The following CTNNA2 variants were observed in gnomAD, a reference collection of about 807,000 sequenced individuals.
CTNNA2 encodes catenin alpha-2.
A neutral mutation model predicts 101.0 loss-of-function variants in CTNNA2; 42 were observed. The observed-to-expected ratio is 0.42, with a 90% CI of 0.32 to 0.54. The LOEUF (loss-of-function observed/expected upper bound fraction) is 0.54. CTNNA2 is among the 20% of genes least tolerant of loss of function. CTNNA2 has a pLI of 0.14. For synonymous variants in CTNNA2, 450 were observed against 456.4 expected (o/e 0.99, Z 0.18); for missense variants, 871 against 1,223.1 (o/e 0.71, Z 4.29).
chr2:80,631,354 A>T (rs1374327594), intron 18 of CTNNA2, among the ~76,000 whole-genome samples: 4 of 137,680 alleles, frequency 2.9e-5, no homozygotes, highest in Non-Finnish European at 6.2e-5. Flanking sequence ...TTTCAAAGAA[A>T]CCACTAATTT....
chr2:79,278,787 T>C (rs1441314896), intron 2 of CTNNA2, among the ~76,000 whole-genome samples: 2 of 152,106 alleles, frequency 1.3e-5, no homozygotes, highest in African/African-American at 4.8e-5. Flanking sequence ...TTATCCAAGT[T>C]GAAGCCATCA....
At chr2:79,266,962 T>G (rs1239923986) in intron 2 of CTNNA2, among the ~76,000 whole-genome samples, 1 of 152,132 alleles carries the variant, frequency 6.6e-6, no homozygotes, top group Non-Finnish European at 1.5e-5. Context: ...ATATTTGAGC[T>G]TAATATCTGA....
At chr2:80,272,980 C>T (rs977296099) in intron 7 of CTNNA2, among the ~76,000 whole-genome samples, 2 of 152,066 alleles carry the variant, frequency 1.3e-5, no homozygotes, top group East Asian at 1.9e-4. Flanking sequence ...GAACTTTGGG[C>T]GTGCGTGAAA....
intron 2 of CTNNA2, among the ~76,000 whole-genome samples, chr2:79,682,261 C>A (rs1558833687): frequency 6.6e-6 from 1 of 151,226 alleles, no homozygotes; most frequent in South Asian, 2.1e-4. Context: ...ACAAAAAAAA[C>A]TTAGCCAGGT....
At position 80,462,561 on chromosome 2, in the gene CTNNA2, C is replaced by A. The variant is rs557077027; in HGVS notation, c.1290+42960C>A. ...GGTTTTCCATTTATGCTGATTTCAT[C>A]TAGGTACAATTTTCTATCTCTCTTA... is the stretch of plus-strand genomic sequence containing the variant. On this transcript the variant is annotated intron_variant, in intron 9 of 18. Transcript: ENST00000402739. Among the ~76,000 whole-genome samples the A allele has an allele frequency of 1.7e-4, 26 of 150,384 alleles. No individual in the cohort carries two copies. The East Asian group carries it at 5.2e-3, about 30-fold the overall frequency.
intron 7 of CTNNA2, among the ~76,000 whole-genome samples, chr2:80,043,119 CTCCT>C (rs70940072): frequency 0.13 from 6,476 of 51,698 alleles, 384 homozygotes; most frequent in Admixed American, 0.18. Context: ...CTCTTTCTTT[CTCCT>C]TCCTTCCTTC....
chr2:79,620,584 A>G (rs1678931704), intron 1 of CTNNA2, among the ~76,000 whole-genome samples: 1 of 152,162 alleles, frequency 6.6e-6, no homozygotes, highest in South Asian at 2.1e-4. Context: ...AGACATACCC[A>G]CTAAATAGTA....
intron 2 of CTNNA2, among the ~76,000 whole-genome samples, chr2:79,693,023 T>C (rs1299393823): frequency 6.6e-6 from 1 of 151,410 alleles, no homozygotes; most frequent in Non-Finnish European, 1.5e-5. Flanking sequence ...TAAGTATAAA[T>C]AAAAAATAAA....
chr2:79,836,340 C>T (rs1679364010), intron 3 of CTNNA2, among the ~76,000 whole-genome samples: 1 of 152,160 alleles, frequency 6.6e-6, no homozygotes, highest in Non-Finnish European at 1.5e-5. Context: ...AGCATTTTCT[C>T]AAAGTCTTGT....
chr2:79,483,253 C>T (rs1431161015), intron 4 of CTNNA2, among the ~76,000 whole-genome samples: 2 of 152,194 alleles, frequency 1.3e-5, no homozygotes, highest in African/African-American at 4.8e-5. Flanking sequence ...ATCTCCCCAT[C>T]TACATTTCAT....
chr2:80,465,523 G>C (rs554090282), intron 9 of CTNNA2, among the ~76,000 whole-genome samples: 14 of 152,232 alleles, frequency 9.2e-5, no homozygotes, highest in African/African-American at 2.6e-4. Context: ...TGGAATGCTT[G>C]AAGAAGGCCA....
intron 7 of CTNNA2, among the ~76,000 whole-genome samples, chr2:80,057,180 T>C (rs1422631650): frequency 6.6e-6 from 1 of 151,734 alleles, no homozygotes; most frequent in East Asian, 1.9e-4. Context: ...AAGTTGTTTT[T>C]TTTTTTTTTT....
intron 7 of CTNNA2, among the ~76,000 whole-genome samples, chr2:80,329,262 C>G (rs186770429): frequency 2.0e-5 from 3 of 152,182 alleles, no homozygotes; most frequent in African/African-American, 7.2e-5. Flanking sequence ...AAATATGCAA[C>G]AAGGAGTTCC....
chr2:80,239,451 A>G (rs1360510228), intron 7 of CTNNA2, among the ~76,000 whole-genome samples: 1 of 152,196 alleles, frequency 6.6e-6, no homozygotes, highest in Non-Finnish European at 1.5e-5. Flanking sequence ...AGCAAATACA[A>G]TAGCCCCCCT....
At chr2:79,382,009 G>A (rs1484586312) in intron 4 of CTNNA2, among the ~76,000 whole-genome samples, 2 of 152,190 alleles carry the variant, frequency 1.3e-5, no homozygotes, top group Non-Finnish European at 2.9e-5. Context: ...TTCTGTAAAG[G>A]TGTTTCTGGA....
intron 7 of CTNNA2, among the ~76,000 whole-genome samples, chr2:80,182,333 C>T (rs902080377): frequency 6.6e-6 from 1 of 152,200 alleles, no homozygotes. Flanking sequence ...CTCAGTCAGT[C>T]TAGTCCTTCC....
intron 2 of CTNNA2, among the ~76,000 whole-genome samples, chr2:79,260,826 C>T (rs1674912060): frequency 6.6e-6 from 1 of 152,146 alleles, no homozygotes; most frequent in Non-Finnish European, 1.5e-5. Context: ...GCTGGGCCTT[C>T]ATCCTCACTC....
chr2:80,059,300 C>T (rs996310057), intron 7 of CTNNA2, among the ~76,000 whole-genome samples: 11 of 152,162 alleles, frequency 7.2e-5, no homozygotes, highest in African/African-American at 2.4e-4. Context: ...TCTTACCTGG[C>T]ATGACAGGTG....
chr2:79,247,942 T>C (rs1048609538), intron 2 of CTNNA2, among the ~76,000 whole-genome samples: 12 of 152,176 alleles, frequency 7.9e-5, no homozygotes, highest in African/African-American at 2.9e-4. Flanking sequence ...CTGGACTTCA[T>C]CCCAAGTGAA....
Sources: allele counts gnomAD v4.1 joint callset (sites outside exome capture counted in the v4.1 genomes callset), GRCh38; gene constraint gnomAD v4.1.1; transcripts MANE v1.5; gene names NCBI Gene and HGNC (gene_info 2026-07-23, HGNC 2026-07-21).